POMZP3: variants seen among roughly 807,000 people sequenced by gnomAD.
The protein encoded by POMZP3 is POM121 and ZP3 fusion protein.
Under a neutral mutation model 19.8 loss-of-function variants are expected in POMZP3, and 10 were observed. The observed-to-expected ratio is 0.51, with a 90% CI of 0.31 to 0.86. The LOEUF is 0.86. Ranked by LOEUF, POMZP3 falls within the 40% of genes least tolerant of loss-of-function variation. The probability of loss-of-function intolerance (pLI) is 0.04; values close to 1 mark genes in which losing one functional copy is unlikely to be tolerated. For missense variants in POMZP3, 152 were observed against 228.1 expected (o/e 0.67, Z 2.15); for synonymous variants, 57 against 85.8 (o/e 0.66, Z 1.85).
At chr7:76,624,354 G>A (rs1482245961) in intron 3 of POMZP3, among the ~76,000 whole-genome samples, 1 of 151,658 alleles carries the variant, frequency 6.6e-6, no homozygotes, top group African/African-American at 2.4e-5. Context: ...TTCGAGACCA[G>A]CCTGCTCAAC....
At chr7:76,616,299 T>G (rs1258981607) in intron 4 of POMZP3, among the ~76,000 whole-genome samples, 3 of 106,400 alleles carry the variant, frequency 2.8e-5, no homozygotes, top group Non-Finnish European at 5.8e-5. Context: ...AAAAAAAAAA[T>G]GCTGGTGGTA....
chr7:76,610,101 A>G lies in POMZP3; in HGVS notation c.*126T>C. The G allele has an allele frequency of 1.3e-6, 2 of 1,491,008 alleles. No individual in the cohort carries two copies. Among genetic ancestry groups the G allele is most frequent in the Middle Eastern group, 1.9e-4 (1 of 5,318 alleles). 92.4% of individuals were successfully genotyped at this position (1,491,008 alleles called of 1,614,324 possible). On this transcript the variant is annotated 3_prime_UTR_variant, in exon 7 of 7. Transcript: ENST00000310842. ...CAGGGACACCACCACAGCCAGGCCTACGCCCAGCAGCACCACTGAGGTGTC... is the reference window on the plus strand; with the variant it reads ...CAGGGACACCACCACAGCCAGGCCTGCGCCCAGCAGCACCACTGAGGTGTC...
intron 4 of POMZP3, among the ~76,000 whole-genome samples, 183 bp downstream of exon 4, chr7:76,618,000 G>A (rs1167017153): frequency 7.9e-6 from 1 of 126,730 alleles, no homozygotes; most frequent in Non-Finnish European, 1.6e-5. Flanking sequence ...ACCTCTTAAG[G>A]CTTCATATTG....
At chr7:76,615,966 A>G (rs1815264165) in intron 4 of POMZP3, among the ~76,000 whole-genome samples, 1 of 33,980 alleles carries the variant, frequency 2.9e-5, no homozygotes, top group Non-Finnish European at 5.0e-5. Flanking sequence ...GGTGACAGAG[A>G]CCCTCTCAAA....
rs1485019000 is a variant in POMZP3 at position 76,627,164 on chromosome 7, G to C, written c.-608C>G. 5 of 1,448,808 alleles carry C rather than the reference G, an allele frequency of 3.5e-6. 1 individual carries two copies. Among genetic ancestry groups the C allele is most frequent in the Non-Finnish European group, 4.6e-6 (5 of 1,090,488 alleles). 89.7% of individuals were successfully genotyped at this position (1,448,808 alleles called of 1,614,324 possible). A position where few individuals can be genotyped will look rare whatever the true frequency, so the allele number is the denominator to read the frequency against. ...TACAGTAGGAGGCCGACCAGCGACA[G>C]GCCGAGAAGCGCCGCCCCGGCCGGC... is the stretch of plus-strand genomic sequence containing the variant. On this transcript the variant is annotated 5_prime_UTR_variant, in exon 1 of 7. Coordinates refer to ENST00000310842, the MANE Select transcript of POMZP3 (RefSeq NM_012230.5).
Position 76,625,575 on chromosome 7 carries a change from C to T in POMZP3, c.174G>A (p.Arg58=). ...ATATTTGGTCTTCTTCCTCCACTGT[C>T]CTTTTCTTCTTCTTCTCTTTGAGGG... ...LSALKEKKKK[R]TVEEEDQIFL... Residue 58 remains arginine (R), a synonymous_variant, in exon 3 of 7, where the codon AGG becomes AGA. Transcript: ENST00000310842. The T allele has an allele frequency of 6.2e-7, 1 of 1,613,576 alleles. No homozygotes were observed. Among genetic ancestry groups the T allele is most frequent in the Middle Eastern group, 1.7e-4 (1 of 6,056 alleles).
rs1298389189 is a variant in POMZP3, at chr7:76,627,205, C to G, written c.-649G>C. On this transcript the variant is annotated 5_prime_UTR_variant, in exon 1 of 7. Transcript: ENST00000310842. ...CCCGGCCGGCCCTGACACTCGCTAT[C>G]GGCCGCCGCCGCTCGCCTGCTCCAG... The G allele has an allele frequency of 1.6e-5, 23 of 1,433,756 alleles. 2 individuals carry two copies. The highest frequency in any genetic ancestry group is 2.3e-5 in the Admixed American group (1 of 44,044). The allele number at this position is 1,433,756 out of a possible 1,614,324, so 88.8% of individuals were successfully genotyped here.
At chr7:76,619,171 G>C (rs547990273) in intron 3 of POMZP3, among the ~76,000 whole-genome samples, 259 of 152,202 alleles carry the variant, frequency 1.7e-3, no homozygotes, top group African/African-American at 5.7e-3. Context: ...GGCCAAGGTG[G>C]GAGGATCACA....
At chr7:76,613,460 C>T (rs1018968539) in intron 4 of POMZP3, among the ~76,000 whole-genome samples, 4 of 128,804 alleles carry the variant, frequency 3.1e-5, no homozygotes, top group African/African-American at 1.1e-4. Context: ...AAGGACCCCC[C>T]CCACCCAGGG....
rs1178227026 is a variant in POMZP3 at position 76,626,173 on chromosome 7, T to C, written c.-109A>G. ...GGGCCTGATGGATCGGATAGCGTCTTCGAGGTGTTATTACAAACCGATCTG... is the reference window on the plus strand; with the variant it reads ...GGGCCTGATGGATCGGATAGCGTCTCCGAGGTGTTATTACAAACCGATCTG... On this transcript the variant is annotated 5_prime_UTR_variant, in exon 2 of 7. Transcript: ENST00000310842. The C allele has an allele frequency of 1.9e-6, 3 of 1,590,672 alleles. No homozygotes were observed. Among genetic ancestry groups the C allele is most frequent in the African/African-American group, 1.3e-5 (1 of 74,174 alleles).
chr7:76,618,606 G>A lies in POMZP3; in HGVS notation c.228-306C>T, dbSNP rs921838564. The stretch of plus-strand genomic sequence containing the variant: ...ATTGCACTAGCCTGGGTGACAGACT[G>A]AGACTCGGTCTGAAAAAAAGAAAAA... On this transcript the variant is annotated intron_variant, in intron 3 of 6. Coordinates refer to ENST00000310842, the MANE Select transcript of POMZP3 (RefSeq NM_012230.5). 385 of 348,868 alleles carry A rather than the reference G, an allele frequency of 1.1e-3. 1 individual carries two copies. The highest frequency in any genetic ancestry group is 1.7e-3 in the Non-Finnish European group (321 of 184,886). The allele number at this position is 348,868 out of a possible 1,614,324, so 21.6% of individuals were successfully genotyped here. A position where few individuals can be genotyped will look rare whatever the true frequency, so the allele number is the denominator to read the frequency against.
chr7:76,612,215 G>C (rs2063924442), intron 4 of POMZP3, among the ~76,000 whole-genome samples: 1 of 122,234 alleles, frequency 8.2e-6, no homozygotes, highest in Admixed American at 8.3e-5. Context: ...ACAGGGGGAA[G>C]GAAGAGCCTC....
At chr7:76,621,012 G>A (rs1459662780) in intron 3 of POMZP3, 1 of 150,256 alleles carries the variant, frequency 6.7e-6, no homozygotes, top group Non-Finnish European at 1.5e-5. Flanking sequence ...GGGATTACAG[G>A]CGCCCGCCAC....
At chr7:76,620,982 C>A (rs1371828641) in intron 3 of POMZP3, 1 of 148,894 alleles carries the variant, frequency 6.7e-6, no homozygotes, top group Non-Finnish European at 1.5e-5. Flanking sequence ...GATTCTCCTG[C>A]CTCAGCCTCC....
rs546306505 is a variant in POMZP3, at chr7:76,612,691, C to T, written c.346-878G>A. Among the ~76,000 whole-genome samples the T allele has an allele frequency of 1.2e-3, 92 of 78,398 alleles. 36 individuals carry two copies. The South Asian group carries it at 0.042, about 36-fold the overall frequency. The allele number at this position is 78,398 out of a possible 152,430, so 51.4% of individuals were successfully genotyped here. On this transcript the variant is annotated intron_variant, in intron 4 of 6. Transcript: ENST00000310842. ...AAACCCGCGCCCATCCCCAGGTGACCGAGGTGAGTGGTAGACACCTTAATA... is the reference window on the plus strand; with the variant it reads ...AAACCCGCGCCCATCCCCAGGTGACTGAGGTGAGTGGTAGACACCTTAATA...
chr7:76,618,527 A>T (rs1320645856), intron 3 of POMZP3: 10 of 589,696 alleles, frequency 1.7e-5, no homozygotes, highest in Non-Finnish European at 2.9e-5. Flanking sequence ...AGGCTGAGGC[A>T]GGAGAATCGC....
At chr7:76,618,351 G>A (rs1636619) in intron 3 of POMZP3, 51 bp from the exon 4 acceptor site, 279,490 of 1,580,304 alleles carry the variant, frequency 0.18, 729 homozygotes, top group Middle Eastern at 0.24. Context: ...GCCGGGCACC[G>A]TGGCTCACGC....
intron 3 of POMZP3, among the ~76,000 whole-genome samples, chr7:76,625,205 A>G (rs2771201): frequency 0.54 from 75,060 of 138,030 alleles, 20,772 homozygotes; most frequent in Middle Eastern, 0.7. Context: ...AATTCCGACC[A>G]GAAGACTTAG....
chr7:76,610,496 A>G (rs1815039842), intron 6 of POMZP3, among the ~76,000 whole-genome samples: 1 of 151,740 alleles, frequency 6.6e-6, no homozygotes, highest in South Asian at 2.1e-4. Flanking sequence ...TACTGAAAAT[A>G]AAAAAGTTAA....
Sources: allele counts gnomAD v4.1 joint callset (sites outside exome capture counted in the v4.1 genomes callset), GRCh38; gene constraint gnomAD v4.1.1; transcripts MANE v1.5; gene names NCBI Gene and HGNC (gene_info 2026-07-23, HGNC 2026-07-21).